Variants in ANO4 observed in about 807,000 individuals in gnomAD.
ANO4 encodes anoctamin 4.
ANO4 carries 69 observed loss-of-function variants against 141.9 expected under a neutral mutation model. The observed-to-expected ratio is 0.49, with a 90% confidence interval of 0.40 to 0.59. ANO4 has a LOEUF of 0.59. Ranked by LOEUF, ANO4 falls within the 20% of genes least tolerant of loss-of-function variation. The probability of loss-of-function intolerance (pLI) is 0.00; values close to 1 mark genes in which losing one functional copy is unlikely to be tolerated. For missense variants in ANO4, 894 were observed against 1,162.2 expected (o/e 0.77, Z 3.36); for synonymous variants, 350 against 394.3 (o/e 0.89, Z 1.33).
intron 3 of ANO4, among the ~76,000 whole-genome samples, chr12:100,751,887 A>T (rs1260665473): frequency 6.6e-6 from 1 of 152,198 alleles, no homozygotes; most frequent in Non-Finnish European, 1.5e-5. Context: ...ATGTGGTAGT[A>T]ATTTGAGAGA....
intron 5 of ANO4, among the ~76,000 whole-genome samples, chr12:100,942,881 A>G (rs2042574323): frequency 1.3e-5 from 2 of 152,308 alleles, no homozygotes; most frequent in South Asian, 4.1e-4. Context: ...TTTGAGTGAA[A>G]TCCAGTCACT....
At chr12:100,913,154 CAT>C (rs2041189627) in intron 2 of ANO4, among the ~76,000 whole-genome samples, 1 of 152,148 alleles carries the variant, frequency 6.6e-6, no homozygotes, top group South Asian at 2.1e-4. Flanking sequence ...TACTGAGGGA[CAT>C]ATACACACAC....
At chr12:100,753,709 A>G (rs1313378983) in intron 3 of ANO4, among the ~76,000 whole-genome samples, 1 of 152,180 alleles carries the variant, frequency 6.6e-6, no homozygotes. Flanking sequence ...ATAGCATTAT[A>G]CTATAGTAGT....
intron 22 of ANO4, among the ~76,000 whole-genome samples, chr12:101,101,552 A>C (rs904286747): frequency 9.9e-5 from 15 of 152,164 alleles, no homozygotes; most frequent in Admixed American, 7.2e-4. Context: ...CTGACACAGC[A>C]CACAGACCCC....
At chr12:101,078,983 T>G (rs188331738) in intron 14 of ANO4, among the ~76,000 whole-genome samples, 1 of 152,304 alleles carries the variant, frequency 6.6e-6, no homozygotes, top group Non-Finnish European at 1.5e-5. Flanking sequence ...CTAAGTGAAA[T>G]CTCTCGTTTT....
intron 1 of ANO4, among the ~76,000 whole-genome samples, chr12:100,898,579 G>C (rs1292404252): frequency 6.6e-6 from 1 of 151,544 alleles, no homozygotes; most frequent in East Asian, 1.9e-4. Context: ...AACATTTTTT[G>C]CTATGATCTA....
chr12:100,849,695 A>AT (rs938766304), intron 1 of ANO4, among the ~76,000 whole-genome samples: 2 of 152,106 alleles, frequency 1.3e-5, no homozygotes, highest in African/African-American at 4.8e-5. Flanking sequence ...CTGTGAATTC[A>AT]TTTTTTCACC....
At chr12:100,897,819 T>C (rs980215611) in intron 1 of ANO4, among the ~76,000 whole-genome samples, 2 of 152,194 alleles carry the variant, frequency 1.3e-5, no homozygotes, top group South Asian at 2.1e-4. Context: ...GACGATGCCA[T>C]GGGCCAAGCA....
At chr12:101,071,503 T>G (rs187899726) in intron 14 of ANO4, among the ~76,000 whole-genome samples, 2 of 150,468 alleles carry the variant, frequency 1.3e-5, no homozygotes, top group East Asian at 3.9e-4. Context: ...CTCATGGAGG[T>G]AGAGAATAGA....
intron 1 of ANO4, among the ~76,000 whole-genome samples, chr12:100,901,269 T>G (rs552451690): frequency 8.6e-5 from 13 of 152,044 alleles, no homozygotes; most frequent in Middle Eastern, 3.2e-3. Flanking sequence ...TTATCAAGAG[T>G]GTAAATGTGA....
chr12:101,107,959 G>A (rs1364467678), intron 22 of ANO4, among the ~76,000 whole-genome samples: 2 of 152,258 alleles, frequency 1.3e-5, no homozygotes, highest in East Asian at 3.9e-4. Context: ...GGTTCTGAAG[G>A]CTAAGCTAGC....
At chr12:101,124,780 T>C (rs1412500143) in intron 26 of ANO4, among the ~76,000 whole-genome samples, 1 of 152,222 alleles carries the variant, frequency 6.6e-6, no homozygotes, top group African/African-American at 2.4e-5. Flanking sequence ...CAGATGGTTG[T>C]AGATGTGTGG....
At chr12:100,754,878 A>C (rs1269496785) in intron 3 of ANO4, among the ~76,000 whole-genome samples, 1 of 152,202 alleles carries the variant, frequency 6.6e-6, no homozygotes. Context: ...CCATAGAGAC[A>C]GAAAGCAGAT....
intron 8 of ANO4, among the ~76,000 whole-genome samples, chr12:101,012,632 G>A (rs758178516): frequency 3.3e-5 from 5 of 152,138 alleles, no homozygotes; most frequent in East Asian, 1.9e-4. Context: ...GAACCATGAA[G>A]GACTGTGTGG....
At chr12:100,945,607 A>G (rs981059201) in intron 5 of ANO4, among the ~76,000 whole-genome samples, 2 of 152,120 alleles carry the variant, frequency 1.3e-5, no homozygotes, top group African/African-American at 2.4e-5. Flanking sequence ...TTGGATACCT[A>G]TTTTGAAATC....
chr12:100,977,807 G>A (rs757857871), intron 7 of ANO4, among the ~76,000 whole-genome samples: 13 of 152,096 alleles, frequency 8.5e-5, no homozygotes, highest in Non-Finnish European at 1.8e-4. Context: ...TCACAATAAG[G>A]TTAAAAGCAT....
At chr12:100,893,532 C>T (rs79082545) in intron 1 of ANO4, among the ~76,000 whole-genome samples, 3 of 151,844 alleles carry the variant, frequency 2.0e-5, no homozygotes, top group African/African-American at 4.8e-5. Flanking sequence ...CATGGCTAGT[C>T]GGGACATGTG....
At chr12:100,778,231 A>C (rs747079751) in intron 3 of ANO4, among the ~76,000 whole-genome samples, 13 of 152,086 alleles carry the variant, frequency 8.5e-5, no homozygotes, top group Non-Finnish European at 1.5e-4. Flanking sequence ...TAATGCTTAA[A>C]ATTTTTGAAA....
chr12:100,791,699 A>C (rs1468871316), upstream of ANO4, among the ~76,000 whole-genome samples: 16 of 152,184 alleles, frequency 1.1e-4, no homozygotes, highest in Admixed American at 1.0e-3. Context: ...TGTTCAAATC[A>C]GTGTCTCCAT....
Sources: gnomAD v4.1 joint callset for allele counts (sites outside exome capture counted in the v4.1 genomes callset) on GRCh38, gnomAD v4.1.1 for gene constraint, MANE v1.5 for transcripts, NCBI Gene and HGNC (gene_info 2026-07-23, HGNC 2026-07-21) for gene names.